ZNF831: variants seen among roughly 807,000 people sequenced by gnomAD.
The protein encoded by ZNF831 is zinc finger protein 831.
A neutral mutation model predicts 95.8 loss-of-function variants in ZNF831; 59 were observed. The ratio of observed to expected loss-of-function variants is 0.62; its 90% CI spans 0.50 to 0.77. The LOEUF (loss-of-function observed/expected upper bound fraction) is 0.77. Ranked by LOEUF, ZNF831 falls within the 30% of genes least tolerant of loss-of-function variation. The pLI is 0.00. For synonymous variants in ZNF831, 961 were observed against 925.5 expected, an observed-to-expected ratio of 1.04 and a Z score of -0.70; for missense variants, 2,205 against 2,164.0, an observed-to-expected ratio of 1.02 and a Z score of -0.38.
intron 1 of ZNF831, among the ~76,000 whole-genome samples, chr20:59,179,828 A>T (rs1982469596): frequency 6.6e-6 from 1 of 152,118 alleles, no homozygotes; most frequent in Non-Finnish European, 1.5e-5. Context: ...TCCCAATCGC[A>T]GGTAGTAGGG....
chr20:59,176,055 A>G (rs989844153), intron 1 of ZNF831, among the ~76,000 whole-genome samples: 6 of 152,188 alleles, frequency 3.9e-5, no homozygotes, highest in Non-Finnish European at 5.9e-5. Context: ...AGAGCTAGGA[A>G]TGCCTTATTA....
intron 4 of ZNF831, among the ~76,000 whole-genome samples, chr20:59,220,448 G>C (rs903692540): frequency 6.6e-6 from 1 of 152,202 alleles, no homozygotes; most frequent in African/African-American, 2.4e-5. Flanking sequence ...TAAGGTGTGA[G>C]TGGAACCTAG....
intron 4 of ZNF831, among the ~76,000 whole-genome samples, chr20:59,210,856 C>CAAGGAGAAAAAAAAATTCAGAAACAAAA (rs1985253773): frequency 3.5e-5 from 5 of 141,134 alleles, no homozygotes; most frequent in East Asian, 4.4e-4. Flanking sequence ...AAACCAAATC[C>CAAGGAGAAAAAAAAATTCAGAAACAAAA]CCCCGTCTCT....
chr20:59,170,069 G>C (rs566057735), intron 1 of ZNF831, among the ~76,000 whole-genome samples: 87 of 152,108 alleles, frequency 5.7e-4, no homozygotes, highest in Middle Eastern at 6.8e-3. Context: ...CTACAGTCAA[G>C]TGGGAGTCTA....
intron 1 of ZNF831, among the ~76,000 whole-genome samples, chr20:59,141,235 T>A (rs1175726168): frequency 6.6e-6 from 1 of 152,206 alleles, no homozygotes; most frequent in Non-Finnish European, 1.5e-5. Flanking sequence ...TTTATTGATT[T>A]TTTTTCTTTT....
chr20:59,145,073 G>T (rs1443414468), intron 1 of ZNF831, among the ~76,000 whole-genome samples: 2 of 152,190 alleles, frequency 1.3e-5, no homozygotes, highest in Non-Finnish European at 2.9e-5. Flanking sequence ...ATCTGTGGAT[G>T]GTCCGGTTCA....
intron 1 of ZNF831, among the ~76,000 whole-genome samples, chr20:59,136,846 CT>C (rs1440027575): frequency 6.6e-6 from 1 of 152,230 alleles, no homozygotes; most frequent in Non-Finnish European, 1.5e-5. Context: ...AGAAATAAAA[CT>C]TTCTACCTTC....
intron 2 of ZNF831, chr20:59,146,835 T>G (rs57160949): frequency 1.3e-5 from 2 of 152,248 alleles, no homozygotes; most frequent in Non-Finnish European, 2.9e-5. Context: ...TCCAGCTAAT[T>G]TTTTTAAAAT....
chr20:59,235,876 G>T (rs1986968425), intron 4 of ZNF831, among the ~76,000 whole-genome samples: 2 of 152,172 alleles, frequency 1.3e-5, no homozygotes, highest in African/African-American at 4.8e-5. Context: ...TGAGCAAAAG[G>T]CCAGCTGATG....
intron 1 of ZNF831, among the ~76,000 whole-genome samples, chr20:59,143,341 A>G (rs183815076): frequency 2.3e-3 from 345 of 152,342 alleles, no homozygotes; most frequent in Non-Finnish European, 3.5e-3. Context: ...CTTGGTCTCC[A>G]TGCTGATACC....
At position 59,218,588 on chromosome 20, in the gene ZNF831, C is replaced by T. The variant is rs73135123; in HGVS notation, c.4027+11532C>T. Among the ~76,000 whole-genome samples the T allele has an allele frequency of 5.0e-3, 747 of 150,276 alleles. 10 individuals carry two copies. The highest frequency in any genetic ancestry group is 0.018 in the African/African-American group (704 of 40,034). ...CCCAGCTGTTCCATGCTTGTGTTAG[C>T]GTGACTGTTTTTTTTTTTTATATAT... On this transcript the variant is annotated intron_variant, in intron 4 of 5. Transcript: ENST00000371030.
At chr20:59,252,957 A>G (rs1273909353) in intron 4 of ZNF831, 21 bp from the exon 5 acceptor site, 2 of 1,609,950 alleles carry the variant, frequency 1.2e-6, no homozygotes, top group Non-Finnish European at 1.7e-6. Context: ...GTCATATGTA[A>G]ATGTGCCTCT....
chr20:59,135,053 C>T (rs527431609), intron 1 of ZNF831, among the ~76,000 whole-genome samples: 19 of 152,124 alleles, frequency 1.2e-4, no homozygotes, highest in Non-Finnish European at 2.4e-4. Context: ...TTCAGCCTCT[C>T]GGTAGCTCTA....
chr20:59,216,496 C>A (rs1161652246), intron 4 of ZNF831, among the ~76,000 whole-genome samples: 2 of 152,176 alleles, frequency 1.3e-5, no homozygotes, highest in Non-Finnish European at 2.9e-5. Context: ...CGGCTCACTG[C>A]AACCTCTGGC....
intron 3 of ZNF831, among the ~76,000 whole-genome samples, chr20:59,197,586 C>T (rs1601384452): frequency 6.6e-6 from 1 of 152,180 alleles, no homozygotes; most frequent in African/African-American, 2.4e-5. Flanking sequence ...ATGGTGCTGG[C>T]GTGGCCCCCA....
In ZNF831 at chr20:59,208,655, G is replaced by A. The variant is rs1424615543; in HGVS notation, c.4027+1599G>A. 6.6e-6 allele frequency among the ~76,000 whole-genome samples: 1 copy of A among 152,172 alleles called. No homozygotes were observed. The highest frequency in any genetic ancestry group is 1.5e-5 in the Non-Finnish European group (1 of 68,032). ...CTCCAAGTACGAAGTGAGCCTCGGG[G>A]GTCATGGTACTTGCTGGCTGACTCC... On this transcript the variant is annotated intron_variant, in intron 4 of 5. Transcript: ENST00000371030. This position sits in a 1 kb window ranked among gnomAD's most constrained non-coding sequence, Gnocchi z 4.2.
At chr20:59,235,439 A>G (rs1986948860) in intron 4 of ZNF831, among the ~76,000 whole-genome samples, 1 of 151,830 alleles carries the variant, frequency 6.6e-6, no homozygotes, top group Admixed American at 6.6e-5. Flanking sequence ...TTCCCCACTC[A>G]CCCCACTTAT....
intron 4 of ZNF831, among the ~76,000 whole-genome samples, chr20:59,232,989 C>G (rs1301900499): frequency 7.1e-6 from 1 of 140,496 alleles, no homozygotes; most frequent in Non-Finnish European, 1.5e-5. Flanking sequence ...GGTGAGGACC[C>G]TGAGGCACAC....
chr20:59,168,867 T>A (rs1011625044), intron 1 of ZNF831, among the ~76,000 whole-genome samples: 12 of 152,202 alleles, frequency 7.9e-5, no homozygotes, highest in African/African-American at 2.9e-4. Context: ...CTTTTTACCC[T>A]GTTAATATGG....
Sources: gnomAD v4.1 joint callset for allele counts (sites outside exome capture counted in the v4.1 genomes callset) on GRCh38, gnomAD v4.1.1 for gene constraint, Gnocchi (gnomAD v3.1) non-coding constraint, MANE v1.5 for transcripts, NCBI Gene and HGNC (gene_info 2026-07-23, HGNC 2026-07-21) for gene names.